Variants in TENM3 observed in about 807,000 individuals in gnomAD.
The protein encoded by TENM3 is teneurin transmembrane protein 3, also known as teneurin-3.
A neutral mutation model predicts 255.1 loss-of-function variants in TENM3; 63 were observed. The observed-to-expected ratio is 0.25, with a 90% CI of 0.20 to 0.30. The LOEUF (loss-of-function observed/expected upper bound fraction) is 0.30, where lower values mean the gene tolerates loss of function less well. Among genes scored for constraint, TENM3 ranks in the 10% least tolerant of loss-of-function variants. The pLI is 1.00. For synonymous variants in TENM3, 1,306 were observed against 1,322.3 expected (o/e 0.99, Z 0.27); for missense variants, 2,929 against 3,461.1 (o/e 0.85, Z 3.86).
chr4:181,992,078 G>A, the TENM3 span, among the ~76,000 whole-genome samples: 1 of 152,036 alleles, frequency 6.6e-6, no homozygotes, highest in African/African-American at 2.4e-5. Context: ...TTAATTACAG[G>A]AAAAATCGAT....
At chr4:182,029,587 TTTTC>T in the TENM3 span, among the ~76,000 whole-genome samples, 87 of 152,286 alleles carry the variant, frequency 5.7e-4, 1 homozygote, top group Non-Finnish European at 1.1e-3. Flanking sequence ...CATATAGTGA[TTTTC>T]TTTGTCTTCT....
chr4:182,454,642 G>T (rs1448108480), intron 3 of TENM3, among the ~76,000 whole-genome samples: 1 of 152,142 alleles, frequency 6.6e-6, no homozygotes, highest in Non-Finnish European at 1.5e-5. Flanking sequence ...TATTGCTGCC[G>T]TTCTGGAGTC....
At chr4:182,706,807 G>T (rs963479243) in intron 12 of TENM3, among the ~76,000 whole-genome samples, 1 of 151,980 alleles carries the variant, frequency 6.6e-6, no homozygotes, top group Non-Finnish European at 1.5e-5. Flanking sequence ...ACAAAAATTA[G>T]CCAGGTATGG....
the TENM3 span, among the ~76,000 whole-genome samples, chr4:181,825,333 G>T: frequency 0.02 from 2,996 of 146,862 alleles, 43 homozygotes; most frequent in Middle Eastern, 0.047. Context: ...CCCGGGAGGT[G>T]GAGGTTGCAG....
At chr4:182,410,785 T>C (rs1286909717) in intron 3 of TENM3, among the ~76,000 whole-genome samples, 1 of 152,152 alleles carries the variant, frequency 6.6e-6, no homozygotes, top group Non-Finnish European at 1.5e-5. Context: ...TATGGAATAT[T>C]TGGATATGAG....
intron 3 of TENM3, among the ~76,000 whole-genome samples, chr4:182,572,893 A>G (rs1319040616): frequency 6.6e-6 from 1 of 152,198 alleles, no homozygotes; most frequent in Non-Finnish European, 1.5e-5. Context: ...TCACAGACTC[A>G]GGCTGGCAGT....
chr4:182,022,183 A>G, the TENM3 span, among the ~76,000 whole-genome samples: 1 of 152,228 alleles, frequency 6.6e-6, no homozygotes, highest in African/African-American at 2.4e-5. Flanking sequence ...AAAAAAAAAA[A>G]ATGTGGTACA....
chr4:182,640,246 T>A lies in TENM3; in HGVS notation c.988+11357T>A, dbSNP rs140901043. ...AAGTATATAAATGTAAAATACTGAC[T>A]TACAAAATAATACTATAGAAGGTTC... On this transcript the variant is annotated intron_variant, in intron 5 of 27. Transcript: ENST00000511685. Among the ~76,000 whole-genome samples, 245 of 152,322 alleles carry A rather than the reference T, an allele frequency of 1.6e-3. 1 individual carries two copies. The highest frequency in any genetic ancestry group is 3.2e-3 in the Non-Finnish European group (217 of 68,024).
intron 3 of TENM3, among the ~76,000 whole-genome samples, chr4:182,462,083 T>C (rs1173189541): frequency 3.5e-5 from 5 of 144,270 alleles, no homozygotes; most frequent in South Asian, 2.3e-4. Context: ...TTTTTTTTTT[T>C]CCAAATTGAG....
At chr4:182,048,220 G>A in the TENM3 span, among the ~76,000 whole-genome samples, 1 of 152,082 alleles carries the variant, frequency 6.6e-6, no homozygotes, top group African/African-American at 2.4e-5. Flanking sequence ...ACTAAACTAT[G>A]ATAAAATATG....
the TENM3 span, among the ~76,000 whole-genome samples, chr4:181,911,251 C>A: frequency 6.6e-6 from 1 of 152,136 alleles, no homozygotes; most frequent in Admixed American, 6.5e-5. Flanking sequence ...TTCCAATGAA[C>A]TCCAAAGAAA....
the TENM3 span, among the ~76,000 whole-genome samples, chr4:181,718,081 T>A: frequency 1.1e-5 from 1 of 89,510 alleles, no homozygotes; most frequent in East Asian, 2.9e-4. Context: ...ATAAAAGAAC[T>A]AAAAGGAAAT....
the TENM3 span, among the ~76,000 whole-genome samples, chr4:181,862,882 A>T: frequency 3.9e-5 from 6 of 152,288 alleles, no homozygotes; most frequent in East Asian, 1.2e-3. Flanking sequence ...AGTCTATCCC[A>T]TAAGAAGTAA....
the TENM3 span, among the ~76,000 whole-genome samples, chr4:182,126,004 T>G: frequency 6.6e-6 from 1 of 152,188 alleles, no homozygotes; most frequent in Non-Finnish European, 1.5e-5. Flanking sequence ...TTCAAAATTC[T>G]GACCCACTTA....
At chr4:181,826,747 C>A in the TENM3 span, among the ~76,000 whole-genome samples, 1 of 152,138 alleles carries the variant, frequency 6.6e-6, no homozygotes, top group Non-Finnish European at 1.5e-5. Context: ...TAGGCCACCC[C>A]CAGAGGTTTG....
At chr4:181,502,855 G>C in the TENM3 span, among the ~76,000 whole-genome samples, 4 of 152,150 alleles carry the variant, frequency 2.6e-5, no homozygotes, top group Non-Finnish European at 5.9e-5. Context: ...CGACAATAAA[G>C]GGTCGCTGGG....
chr4:181,706,831 G>A, the TENM3 span, among the ~76,000 whole-genome samples: 9 of 152,148 alleles, frequency 5.9e-5, no homozygotes, highest in African/African-American at 1.2e-4. Flanking sequence ...TTTCTCCATC[G>A]CGGGGCCGTC....
the TENM3 span, among the ~76,000 whole-genome samples, chr4:182,111,189 C>CTTTT: frequency 0.1 from 8,301 of 80,320 alleles, 439 homozygotes; most frequent in Non-Finnish European, 0.12. Context: ...GTCTTCTTCT[C>CTTTT]TTTTTTTTTT....
intron 3 of TENM3, among the ~76,000 whole-genome samples, chr4:182,389,049 G>A (rs1390933430): frequency 3.3e-5 from 5 of 152,144 alleles, no homozygotes; most frequent in African/African-American, 1.2e-4. Flanking sequence ...AATGTCTGAA[G>A]TTATATATGA....
Sources: gnomAD v4.1 joint callset for allele counts (sites outside exome capture counted in the v4.1 genomes callset) on GRCh38, gnomAD v4.1.1 for gene constraint, MANE v1.5 for transcripts, NCBI Gene and HGNC (gene_info 2026-07-23, HGNC 2026-07-21) for gene names.